Variants in MALRD1 observed in about 807,000 individuals in gnomAD.
MALRD1 encodes MAM and LDL receptor class A domain containing 1, also known as MAM and LDL-receptor class A domain-containing protein 1.
A neutral mutation model predicts 242.1 loss-of-function variants in MALRD1; 247 were observed. That is an observed-to-expected ratio of 1.02 (90% CI 0.92 to 1.13). The LOEUF (loss-of-function observed/expected upper bound fraction) is 1.13. Among genes scored for constraint, MALRD1 ranks in the 50% most tolerant of loss-of-function variants. The pLI is 0.00. For missense variants in MALRD1, 2,989 were observed against 2,533.1 expected (o/e 1.18, Z -3.86); for synonymous variants, 995 against 866.6 (o/e 1.15, Z -2.60).
chr10:19,291,190 A>C (rs1841406931), intron 21 of MALRD1, among the ~76,000 whole-genome samples: 1 of 152,192 alleles, frequency 6.6e-6, no homozygotes, highest in Non-Finnish European at 1.5e-5. Flanking sequence ...CTTAAGCAAA[A>C]TAAAGTTCCT....
intron 5 of MALRD1, among the ~76,000 whole-genome samples, chr10:19,110,951 C>A (rs1219509490): frequency 6.6e-6 from 1 of 152,150 alleles, no homozygotes; most frequent in Non-Finnish European, 1.5e-5. Flanking sequence ...TGGTTGCTGC[C>A]ATTGAAACTG....
chr10:19,697,308 A>C (rs547433201), intron 38 of MALRD1, among the ~76,000 whole-genome samples: 2 of 152,274 alleles, frequency 1.3e-5, no homozygotes, highest in East Asian at 3.9e-4. Flanking sequence ...ACCAGGCAGG[A>C]AACTCTGACA....
intron 29 of MALRD1, among the ~76,000 whole-genome samples, chr10:19,454,555 C>T (rs539995589): frequency 7.1e-4 from 107 of 150,268 alleles, no homozygotes; most frequent in Non-Finnish European, 1.3e-3. Flanking sequence ...GCATTCCATA[C>T]CCAATAAACC....
chr10:19,730,909 T>A, intron 39 of MALRD1, 128 bp downstream of exon 39: 1 of 872,610 alleles, frequency 1.1e-6, no homozygotes, highest in East Asian at 2.7e-5. Flanking sequence ...AATGTTTTAG[T>A]GGAGTTATTT....
intron 35 of MALRD1, among the ~76,000 whole-genome samples, chr10:19,612,584 G>A (rs912364563): frequency 1.3e-5 from 2 of 151,616 alleles, no homozygotes; most frequent in Non-Finnish European, 2.9e-5. Flanking sequence ...TTCTCACACT[G>A]CTATAAAGAC....
At position 19,305,870 on chromosome 10, in the gene MALRD1, T is replaced by C. The variant is rs1430025524; in HGVS notation, c.3420-18079T>C. Among the ~76,000 whole-genome samples, 3 of 131,862 alleles carry C rather than the reference T, an allele frequency of 2.3e-5. No homozygotes were observed. The East Asian group carries it at 6.3e-4, about 28-fold the overall frequency. The allele number at this position is 131,862 out of a possible 152,430, so 86.5% of individuals were successfully genotyped here. A position where few individuals can be genotyped will look rare whatever the true frequency, so the allele number is the denominator to read the frequency against. ...TATATACTATATACTATACTATATA[T>C]TATATAATATATATAATATATATTA... is the stretch of plus-strand genomic sequence containing the variant. On this transcript the variant is annotated intron_variant, in intron 21 of 39. Transcript: ENST00000454679.
chr10:19,713,050 G>A (rs1436109161), intron 38 of MALRD1, among the ~76,000 whole-genome samples: 2 of 151,800 alleles, frequency 1.3e-5, no homozygotes, highest in African/African-American at 2.4e-5. Flanking sequence ...ATGAAGGGGG[G>A]GGTTCCTCTT....
chr10:19,568,245 A>C (rs1314722313), intron 33 of MALRD1, among the ~76,000 whole-genome samples: 1 of 152,170 alleles, frequency 6.6e-6, no homozygotes, highest in Non-Finnish European at 1.5e-5. Context: ...TCCCCCCCTA[A>C]GTGGGGCTGT....
Position 19,155,089 on chromosome 10 carries a change from T to A in MALRD1, c.1573T>A (p.Leu525Met). The A allele has an allele frequency of 8.1e-7, 1 of 1,231,562 alleles. No homozygotes were observed. The highest frequency in any genetic ancestry group is 1.0e-6 in the Non-Finnish European group (1 of 987,850). The allele number at this position is 1,231,562 out of a possible 1,614,324, so 76.3% of individuals were successfully genotyped here. Residue 525 changes from leucine (L) to methionine (M), a missense_variant, in exon 12 of 40, where the codon TTG (leucine) becomes ATG (methionine). Transcript: ENST00000454679. ...ANINHGSFIY[L>M]EAQRSPGVAK... ...TGTTTTTTCAGGATCGTTTATTTAT[T>A]TGGAGGCACAGCGCTCCCCCGGGGT...
intron 18 of MALRD1, among the ~76,000 whole-genome samples, chr10:19,234,307 A>G (rs1437651498): frequency 6.6e-6 from 1 of 152,092 alleles, no homozygotes; most frequent in Non-Finnish European, 1.5e-5. Flanking sequence ...AAATTTTATC[A>G]TATCTTAAAA....
intron 14 of MALRD1, among the ~76,000 whole-genome samples, chr10:19,199,572 G>A (rs1269967173): frequency 3.9e-5 from 6 of 152,048 alleles, no homozygotes; most frequent in East Asian, 1.9e-4. Flanking sequence ...AGGCCCAGGC[G>A]GGTGGATCAC....
intron 36 of MALRD1, among the ~76,000 whole-genome samples, chr10:19,690,672 C>T (rs1282813514): frequency 1.3e-5 from 2 of 151,692 alleles, no homozygotes; most frequent in Non-Finnish European, 1.5e-5. Context: ...TTTAACTCTC[C>T]ATACAACTGT....
chr10:19,689,298 A>G (rs942033942), intron 36 of MALRD1, among the ~76,000 whole-genome samples: 2 of 152,092 alleles, frequency 1.3e-5, no homozygotes, highest in African/African-American at 4.8e-5. Flanking sequence ...GTAGGAGGAG[A>G]CATACCTTAG....
At chr10:19,184,163 T>C (rs1180256719) in intron 14 of MALRD1, among the ~76,000 whole-genome samples, 7 of 152,218 alleles carry the variant, frequency 4.6e-5, no homozygotes, top group African/African-American at 1.4e-4. Context: ...GGGTGGATTT[T>C]AGGCCTGGGA....
At chr10:19,074,278 GT>G (rs1167852543) in intron 2 of MALRD1, among the ~76,000 whole-genome samples, 2 of 152,100 alleles carry the variant, frequency 1.3e-5, no homozygotes, top group African/African-American at 4.8e-5. Flanking sequence ...TATGGCAGTG[GT>G]TGAGGAATAG....
chr10:19,240,993 A>G (rs144836440), intron 18 of MALRD1, among the ~76,000 whole-genome samples: 13 of 152,010 alleles, frequency 8.6e-5, no homozygotes, highest in Admixed American at 6.6e-4. Flanking sequence ...TTTTTTATCT[A>G]TGTTCTTCAG....
chr10:19,491,301 G>A, intron 29 of MALRD1: 5 of 709,010 alleles, frequency 7.1e-6, no homozygotes, highest in Middle Eastern at 2.8e-4. Flanking sequence ...CACCATCAAA[G>A]TGCATAAAAG....
In MALRD1 at chr10:19,165,819, A is replaced by C. The variant is rs1167056434; in HGVS notation, c.1830+9A>C. 1 of 1,231,438 alleles carries C rather than the reference A, an allele frequency of 8.1e-7. No homozygotes were observed. Among genetic ancestry groups the C allele is most frequent in the Non-Finnish European group, 1.0e-6 (1 of 987,822 alleles). 76.3% of individuals were successfully genotyped at this position (1,231,438 alleles called of 1,614,324 possible). ...CTACTCTACCTTTTCAGGTAAGCAC[A>C]TACGAAATTAATACAACTCAACAGA... On this transcript the variant is annotated intron_variant, in intron 13 of 39. Coordinates refer to ENST00000454679, the MANE Select transcript of MALRD1 (RefSeq NM_001142308.3).
intron 32 of MALRD1, among the ~76,000 whole-genome samples, chr10:19,550,711 T>A (rs1393121890): frequency 6.6e-6 from 1 of 152,174 alleles, no homozygotes; most frequent in Non-Finnish European, 1.5e-5. Context: ...TTCCATGGTG[T>A]GTATGTACCA....
Sources: gnomAD v4.1 joint callset for allele counts (sites outside exome capture counted in the v4.1 genomes callset) on GRCh38, gnomAD v4.1.1 for gene constraint, MANE v1.5 for transcripts, NCBI Gene and HGNC (gene_info 2026-07-23, HGNC 2026-07-21) for gene names.